Variants in KLF12 observed in about 807,000 individuals in gnomAD.
KLF12 encodes the protein Krueppel-like factor 12.
In KLF12, 9 loss-of-function variants were observed where a neutral mutation model predicts 37.8. The ratio of observed to expected loss-of-function variants is 0.24; its 90% CI spans 0.14 to 0.42. KLF12 has a LOEUF of 0.42. KLF12 is among the 10% of genes least tolerant of loss of function. The probability of loss-of-function intolerance (pLI) is 1.00; values close to 1 mark genes in which losing one functional copy is unlikely to be tolerated. For missense variants in KLF12, 411 were observed against 516.0 expected (o/e 0.80, Z 1.97); for synonymous variants, 208 against 202.1 (o/e 1.03, Z -0.25).
the KLF12 span, among the ~76,000 whole-genome samples, chr13:74,184,728 G>C: frequency 6.6e-6 from 1 of 152,176 alleles, no homozygotes; most frequent in Non-Finnish European, 1.5e-5. Flanking sequence ...GCAGCAATTT[G>C]CTGGAGCTGA....
chr13:74,200,203 C>T, the KLF12 span, among the ~76,000 whole-genome samples: 2 of 151,544 alleles, frequency 1.3e-5, no homozygotes, highest in African/African-American at 4.9e-5. Flanking sequence ...GGGGGGGTTT[C>T]CTGAGAAGGC....
chr13:73,932,502 T>C (rs1295497876), intron 3 of KLF12, among the ~76,000 whole-genome samples: 3 of 152,174 alleles, frequency 2.0e-5, no homozygotes, highest in Admixed American at 6.5e-5. Context: ...AAAAAACCTG[T>C]TGACATCTTT....
At chr13:73,729,487 C>G (rs1876906280) in intron 6 of KLF12, among the ~76,000 whole-genome samples, 1 of 152,128 alleles carries the variant, frequency 6.6e-6, no homozygotes, top group Non-Finnish European at 1.5e-5. Flanking sequence ...GGCAATCTTA[C>G]AGCTGAGAAA....
the KLF12 span, among the ~76,000 whole-genome samples, chr13:74,293,435 G>T: frequency 6.6e-6 from 1 of 152,098 alleles, no homozygotes; most frequent in Non-Finnish European, 1.5e-5. Context: ...GTAAATGCAG[G>T]ATATAATAGT....
intron 1 of KLF12, among the ~76,000 whole-genome samples, chr13:74,038,215 A>T (rs1383822166): frequency 6.6e-6 from 1 of 152,182 alleles, no homozygotes; most frequent in East Asian, 1.9e-4. Flanking sequence ...GGAGACAAGG[A>T]ATCTCCTGTG....
intron 3 of KLF12, among the ~76,000 whole-genome samples, chr13:73,888,778 C>A (rs1351120049): frequency 2.0e-5 from 3 of 152,116 alleles, no homozygotes; most frequent in Non-Finnish European, 2.9e-5. Context: ...TTTAAGGGAG[C>A]TGTGAATACT....
chr13:73,940,587 G>A (rs554761094), intron 3 of KLF12, among the ~76,000 whole-genome samples: 1 of 152,174 alleles, frequency 6.6e-6, no homozygotes, highest in Non-Finnish European at 1.5e-5. Flanking sequence ...ACATAGAGCA[G>A]GTTGACAATT....
chr13:74,067,252 A>G (rs953930440), intron 1 of KLF12, among the ~76,000 whole-genome samples: 4 of 152,236 alleles, frequency 2.6e-5, no homozygotes, highest in African/African-American at 9.6e-5. Context: ...ATCAGATGAA[A>G]AAGAGTCTGT....
chr13:73,735,118 C>T (rs1490947526), intron 6 of KLF12, among the ~76,000 whole-genome samples: 2 of 130,386 alleles, frequency 1.5e-5, no homozygotes, highest in African/African-American at 5.8e-5. Context: ...CAAGTTCTCA[C>T]CTCTACTATT....
intron 3 of KLF12, among the ~76,000 whole-genome samples, chr13:73,891,122 AAAGG>A (rs1887484707): frequency 6.6e-6 from 1 of 152,178 alleles, no homozygotes. Flanking sequence ...AATATTTTCA[AAAGG>A]AAGCAGAAAG....
chr13:73,727,503 C>T (rs1011555328), intron 6 of KLF12, among the ~76,000 whole-genome samples: 1 of 152,114 alleles, frequency 6.6e-6, no homozygotes, highest in African/African-American at 2.4e-5. Flanking sequence ...ACCAATTTAC[C>T]ATAAATGTAA....
chr13:73,883,301 T>C (rs187829024), intron 3 of KLF12, among the ~76,000 whole-genome samples: 1 of 152,284 alleles, frequency 6.6e-6, no homozygotes, highest in East Asian at 1.9e-4. Flanking sequence ...AAGTTTCTCT[T>C]TGTTGAAGTA....
At chr13:73,932,054 C>G (rs1326777726) in intron 3 of KLF12, among the ~76,000 whole-genome samples, 1 of 151,806 alleles carries the variant, frequency 6.6e-6, no homozygotes, top group East Asian at 1.9e-4. Flanking sequence ...GAAATTCCTT[C>G]TTTATCTGAA....
the KLF12 span, among the ~76,000 whole-genome samples, chr13:74,190,508 G>A: frequency 6.6e-6 from 1 of 152,140 alleles, no homozygotes; most frequent in Admixed American, 6.5e-5. Flanking sequence ...ACTGGTTTCT[G>A]AGCATTATGC....
the KLF12 span, among the ~76,000 whole-genome samples, chr13:74,240,927 G>C: frequency 1.3e-5 from 2 of 150,696 alleles, no homozygotes; most frequent in African/African-American, 4.9e-5. Context: ...ATCGTCTGAA[G>C]CCTTCTTCTC....
At chr13:74,267,638 T>C in the KLF12 span, among the ~76,000 whole-genome samples, 2 of 152,130 alleles carry the variant, frequency 1.3e-5, no homozygotes, top group African/African-American at 2.4e-5. Flanking sequence ...ATTATGGTTA[T>C]AGAGAAGAAA....
chr13:74,161,921 A>C, the KLF12 span, among the ~76,000 whole-genome samples: 1 of 152,230 alleles, frequency 6.6e-6, no homozygotes, highest in East Asian at 1.9e-4. Context: ...TCTCTGATTA[A>C]TCTAGAGATG....
the KLF12 span, among the ~76,000 whole-genome samples, chr13:74,182,651 A>G: frequency 1.3e-5 from 2 of 152,146 alleles, no homozygotes; most frequent in African/African-American, 4.8e-5. Flanking sequence ...GAGCAATCCT[A>G]TTTTTGCTGG....
chr13:74,017,955 A>G (rs1475971889), intron 1 of KLF12, among the ~76,000 whole-genome samples: 3 of 152,128 alleles, frequency 2.0e-5, no homozygotes, highest in Non-Finnish European at 4.4e-5. Context: ...TACACAGGGC[A>G]TGAGATTATT....
Sources: gnomAD v4.1 joint callset for allele counts (sites outside exome capture counted in the v4.1 genomes callset) on GRCh38, gnomAD v4.1.1 for gene constraint, MANE v1.5 for transcripts, NCBI Gene and HGNC (gene_info 2026-07-23, HGNC 2026-07-21) for gene names.